Variants in UNC13C observed in about 807,000 individuals in gnomAD.
UNC13C encodes unc-13 homolog C, also known as protein unc-13 homolog C.
A neutral mutation model predicts 245.4 loss-of-function variants in UNC13C; 174 were observed. That is an observed-to-expected ratio of 0.71 (90% confidence interval 0.63 to 0.80). The LOEUF (loss-of-function observed/expected upper bound fraction) is 0.80. Ranked by LOEUF, UNC13C falls within the 30% of genes least tolerant of loss-of-function variation. The pLI is 0.00. For missense variants in UNC13C, 2,829 were observed against 2,602.9 expected, an observed-to-expected ratio of 1.09 and a Z score of -1.89; for synonymous variants, 992 against 895.1, an observed-to-expected ratio of 1.11 and a Z score of -1.93.
At chr15:54,289,925 A>T (rs1034932949) in intron 10 of UNC13C, among the ~76,000 whole-genome samples, 11 of 152,074 alleles carry the variant, frequency 7.2e-5, no homozygotes, top group African/African-American at 2.4e-4. Flanking sequence ...CAGGAGTGTG[A>T]GTTATCTAAC....
intron 26 of UNC13C, among the ~76,000 whole-genome samples, chr15:54,534,967 A>G (rs1199985721): frequency 6.6e-6 from 1 of 152,214 alleles, no homozygotes; most frequent in Non-Finnish European, 1.5e-5. Context: ...GCTTAAGTAT[A>G]TCAACTATAG....
chr15:54,554,820 A>G (rs1196120416), intron 28 of UNC13C, among the ~76,000 whole-genome samples: 1 of 152,036 alleles, frequency 6.6e-6, no homozygotes, highest in Non-Finnish European at 1.5e-5. Context: ...ATGGGTTGAA[A>G]CAGACCACAG....
chr15:54,405,948 T>A lies in UNC13C; in HGVS notation c.4848-9034T>A, dbSNP rs568599023. Among the ~76,000 whole-genome samples, 5 of 150,466 alleles carry A rather than the reference T, an allele frequency of 3.3e-5. No homozygotes were observed. The East Asian group carries it at 1.0e-3, about 30-fold the overall frequency. Reference sequence around the variant, plus strand: ...ATTGAGAAGACTGTGTAAATGTAATTAATACTGTTAGTTTACAGTAAAGAG... The same window carrying A: ...ATTGAGAAGACTGTGTAAATGTAATAAATACTGTTAGTTTACAGTAAAGAG... On this transcript the variant is annotated intron_variant, in intron 18 of 32. Transcript: ENST00000260323.
At chr15:54,528,318 C>CTTTTTTT (rs33919757) in intron 25 of UNC13C, among the ~76,000 whole-genome samples, 1 of 140,992 alleles carries the variant, frequency 7.1e-6, no homozygotes, top group Non-Finnish European at 1.6e-5. Flanking sequence ...TGGTTTGCTC[C>CTTTTTTT]TTTTTTTTTT....
intron 30 of UNC13C, among the ~76,000 whole-genome samples, chr15:54,592,530 C>T (rs1898846134): frequency 6.6e-6 from 1 of 152,184 alleles, no homozygotes; most frequent in Admixed American, 6.5e-5. Flanking sequence ...TTGGACAAGG[C>T]CTTTTACCAT....
At chr15:54,478,998 T>C (rs1212890857) in intron 19 of UNC13C, among the ~76,000 whole-genome samples, 2 of 152,166 alleles carry the variant, frequency 1.3e-5, no homozygotes, top group African/African-American at 2.4e-5. Context: ...GGTGCTCCTG[T>C]ATTGGGTGCA....
At position 54,379,974 on chromosome 15, in the gene UNC13C, A is replaced by G. The variant is rs184490533; in HGVS notation, c.4714-13074A>G. ...GATATATACATTGCCTCACATAGTT[A>G]TTATTTCTATGGTGAGAACAATTTA... is the stretch of plus-strand genomic sequence containing the variant. On this transcript the variant is annotated intron_variant, in intron 17 of 32. Transcript: ENST00000260323. Among the ~76,000 whole-genome samples, 337 of 152,216 alleles carry G rather than the reference A, an allele frequency of 2.2e-3. 1 individual carries two copies. The highest frequency in any genetic ancestry group is 7.3e-3 in the African/African-American group (305 of 41,544).
At chr15:54,459,746 G>A (rs923051526) in intron 19 of UNC13C, among the ~76,000 whole-genome samples, 2 of 151,558 alleles carry the variant, frequency 1.3e-5, no homozygotes, top group African/African-American at 2.4e-5. Context: ...CAGAAGTTGT[G>A]CTCGTCTTTT....
intron 19 of UNC13C, among the ~76,000 whole-genome samples, chr15:54,466,201 G>A (rs911585903): frequency 6.6e-6 from 1 of 151,974 alleles, no homozygotes; most frequent in Admixed American, 6.6e-5. Flanking sequence ...TGGGGAAAGA[G>A]AGGTTGGTTA....
chr15:54,320,696 C>A (rs1176731731), intron 13 of UNC13C: 3 of 357,302 alleles, frequency 8.4e-6, no homozygotes, highest in East Asian at 1.5e-4. Flanking sequence ...GCTCTCTTCT[C>A]CTGCTAAACT....
chr15:54,028,767 C>T (rs1275717369), intron 2 of UNC13C, among the ~76,000 whole-genome samples: 2 of 141,480 alleles, frequency 1.4e-5, no homozygotes, highest in African/African-American at 5.2e-5. Context: ...CTTGGCTCAC[C>T]GCAAGCTCCA....
intron 14 of UNC13C, among the ~76,000 whole-genome samples, chr15:54,329,458 T>C (rs76818748): frequency 0.057 from 8,636 of 152,072 alleles, 327 homozygotes; most frequent in Middle Eastern, 0.11. Context: ...TAGACATATG[T>C]GGCCCTTATT....
At chr15:54,314,332 G>T (rs1024748321) in intron 13 of UNC13C, among the ~76,000 whole-genome samples, 111 of 151,880 alleles carry the variant, frequency 7.3e-4, no homozygotes, top group African/African-American at 2.6e-3. Context: ...AGTATGGGAG[G>T]TAGTGCAAAT....
chr15:54,338,513 A>G, intron 17 of UNC13C, 24 bp downstream of exon 17: 1 of 1,608,042 alleles, frequency 6.2e-7, no homozygotes, highest in South Asian at 1.1e-5. Context: ...TATGTCTTTT[A>G]TAATCGCCAC....
At chr15:54,327,703 A>G (rs2038334258) in intron 14 of UNC13C, among the ~76,000 whole-genome samples, 1 of 152,052 alleles carries the variant, frequency 6.6e-6, no homozygotes, top group South Asian at 2.1e-4. Context: ...GAGGTTGATC[A>G]ATGGGATGTA....
the UNC13C span, among the ~76,000 whole-genome samples, chr15:53,861,001 T>C: frequency 2.6e-5 from 4 of 152,190 alleles, no homozygotes; most frequent in African/African-American, 9.6e-5. Flanking sequence ...TAGACTTATA[T>C]TTGATAAAAT....
intron 4 of UNC13C, among the ~76,000 whole-genome samples, chr15:54,221,312 G>A (rs1014657448): frequency 6.6e-6 from 1 of 151,870 alleles, no homozygotes; most frequent in African/African-American, 2.4e-5. Flanking sequence ...TCAAAAAATC[G>A]TTAGGATAAA....
At chr15:54,497,918 C>G (rs1307309706) in intron 20 of UNC13C, among the ~76,000 whole-genome samples, 1 of 152,020 alleles carries the variant, frequency 6.6e-6, no homozygotes, top group African/African-American at 2.4e-5. Context: ...CCAACACTGT[C>G]TAGATCAAAG....
At chr15:54,002,486 C>T (rs1284363330) in intron 1 of UNC13C, among the ~76,000 whole-genome samples, 1 of 151,868 alleles carries the variant, frequency 6.6e-6, no homozygotes, top group African/African-American at 2.4e-5. Flanking sequence ...CCTTAGGAGA[C>T]ACAGAGGAGC....
Sources: allele counts gnomAD v4.1 joint callset (sites outside exome capture counted in the v4.1 genomes callset), GRCh38; gene constraint gnomAD v4.1.1; transcripts MANE v1.5; gene names NCBI Gene and HGNC (gene_info 2026-07-23, HGNC 2026-07-21).